CDH12: variants seen among roughly 807,000 people sequenced by gnomAD.
CDH12 encodes cadherin 12.
Under a neutral mutation model 74.1 loss-of-function variants are expected in CDH12, and 41 were observed. That is an observed-to-expected ratio of 0.55 (90% confidence interval 0.43 to 0.72). CDH12 has a LOEUF of 0.72. Ranked by LOEUF, CDH12 falls within the 30% of genes least tolerant of loss-of-function variation. The pLI, the probability that CDH12 is intolerant of heterozygous loss-of-function variation, is 0.00. For synonymous variants in CDH12, 399 were observed against 355.0 expected, an observed-to-expected ratio of 1.12 and a Z score of -1.39; for missense variants, 945 against 977.2, an observed-to-expected ratio of 0.97 and a Z score of 0.44.
chr5:22,503,115 T>C (rs1231766267), intron 2 of CDH12, among the ~76,000 whole-genome samples: 1 of 152,172 alleles, frequency 6.6e-6, no homozygotes, highest in African/African-American at 2.4e-5. Flanking sequence ...GATCAAAGAA[T>C]GCTCATCTAA....
chr5:21,970,194 T>C (rs1445294407), intron 6 of CDH12, among the ~76,000 whole-genome samples: 1 of 152,122 alleles, frequency 6.6e-6, no homozygotes, highest in Non-Finnish European at 1.5e-5. Context: ...TTAAACATTG[T>C]AGTTTGATTG....
chr5:22,621,830 T>TA (rs1340350717), intron 1 of CDH12, among the ~76,000 whole-genome samples: 19 of 151,706 alleles, frequency 1.3e-4, no homozygotes, highest in Non-Finnish European at 2.4e-4. Flanking sequence ...AGCTGGTAAA[T>TA]AAAAAAAATC....
chr5:21,889,481 G>T lies in CDH12; in HGVS notation c.527-34691C>A. On this transcript the variant is annotated intron_variant, in intron 6 of 14. Transcript: ENST00000382254. ...AAAGAGAGAAACAGACATTGCCTTT[G>T]TGGGGCTTATCTTTTGAAAGAAAAA... 8.0e-6 allele frequency: 5 copies of T among 623,438 alleles called. No homozygotes were observed. The South Asian group carries it at 2.8e-4, about 35-fold the overall frequency. The allele number at this position is 623,438 out of a possible 1,614,324, so 38.6% of individuals were successfully genotyped here.
intron 3 of CDH12, among the ~76,000 whole-genome samples, chr5:22,363,253 C>T (rs1048857671): frequency 6.6e-6 from 1 of 151,996 alleles, no homozygotes; most frequent in Non-Finnish European, 1.5e-5. Context: ...TCATTACAAA[C>T]TTCTTAAATT....
intron 3 of CDH12, among the ~76,000 whole-genome samples, chr5:22,237,172 A>G (rs1752588447): frequency 1.3e-5 from 2 of 152,096 alleles, no homozygotes; most frequent in South Asian, 4.1e-4. Flanking sequence ...TGTGCACACT[A>G]CAACATTCGA....
In CDH12 at chr5:22,660,044, A is replaced by G. The variant is rs565733275; in HGVS notation, c.-522-154680T>C. Among the ~76,000 whole-genome samples, 460 of 152,302 alleles carry G rather than the reference A, an allele frequency of 3.0e-3. 3 individuals carry two copies. Among genetic ancestry groups the G allele is most frequent in the Non-Finnish European group, 5.5e-3 (377 of 68,010 alleles). On this transcript the variant is annotated intron_variant, in intron 1 of 14. Transcript: ENST00000382254. The stretch of plus-strand genomic sequence containing the variant: ...TGTGAAAAAAATGCATTGGAGTTGA[A>G]TGCATTCACATTTCATTTCTTTCAT...
chr5:21,883,647 G>A, intron 6 of CDH12: 4 of 1,612,206 alleles, frequency 2.5e-6, no homozygotes, highest in Non-Finnish European at 3.4e-6. Context: ...TGTGACCAAA[G>A]ACGATGCCAT....
intron 5 of CDH12, among the ~76,000 whole-genome samples, chr5:21,984,123 A>G (rs1033126564): frequency 2.6e-5 from 4 of 152,136 alleles, no homozygotes; most frequent in Non-Finnish European, 4.4e-5. Flanking sequence ...AAGAATAAAT[A>G]ACCTAATTTG....
At chr5:22,496,114 T>C (rs1747097041) in intron 2 of CDH12, among the ~76,000 whole-genome samples, 1 of 152,124 alleles carries the variant, frequency 6.6e-6, no homozygotes, top group Non-Finnish European at 1.5e-5. Context: ...TTAAGTAACT[T>C]GTCACTACTG....
intron 3 of CDH12, among the ~76,000 whole-genome samples, chr5:22,228,013 G>T (rs1043466246): frequency 8.6e-5 from 13 of 152,044 alleles, no homozygotes; most frequent in African/African-American, 3.1e-4. Flanking sequence ...TTTCAGCTTT[G>T]CTATTTAATA....
chr5:22,662,510 AAC>A (rs1185785618), intron 1 of CDH12, among the ~76,000 whole-genome samples: 1 of 152,178 alleles, frequency 6.6e-6, no homozygotes, highest in Admixed American at 6.5e-5. Flanking sequence ...CATCAAAAGA[AAC>A]AGCAACAGAT....
rs192703998 is a variant in CDH12, at chr5:21,786,059, A to T, written c.1257-2565T>A. On this transcript the variant is annotated intron_variant, in intron 10 of 14. Transcript: ENST00000382254. Reference sequence around the variant, plus strand: ...GTTCATTAACCATTATAAAAATCCTAGAGCCCCTATGAATTTTGCTAAATC... The same window carrying T: ...GTTCATTAACCATTATAAAAATCCTTGAGCCCCTATGAATTTTGCTAAATC... Among the ~76,000 whole-genome samples the T allele has an allele frequency of 1.7e-3, 265 of 152,330 alleles. 2 individuals are homozygous for T. Among genetic ancestry groups the T allele is most frequent in the African/African-American group, 5.9e-3 (244 of 41,586 alleles).
At chr5:22,553,521 A>G (rs1738667988) in intron 1 of CDH12, among the ~76,000 whole-genome samples, 1 of 152,144 alleles carries the variant, frequency 6.6e-6, no homozygotes, top group Non-Finnish European at 1.5e-5. Flanking sequence ...CACATCATTT[A>G]TATTAATACA....
At chr5:22,623,485 T>C (rs933152863) in intron 1 of CDH12, among the ~76,000 whole-genome samples, 1 of 152,168 alleles carries the variant, frequency 6.6e-6, no homozygotes, top group African/African-American at 2.4e-5. Context: ...AGAAAATCAA[T>C]GTGCAAAAAT....
chr5:22,554,860 A>G (rs1419414945), intron 1 of CDH12, among the ~76,000 whole-genome samples: 1 of 152,148 alleles, frequency 6.6e-6, no homozygotes. Flanking sequence ...TTTAAAATCT[A>G]TTTAAGTAGA....
intron 7 of CDH12, among the ~76,000 whole-genome samples, chr5:21,853,548 T>G (rs1750587960): frequency 6.6e-6 from 1 of 151,674 alleles, no homozygotes. Flanking sequence ...CAAAAAGTTT[T>G]GCAGATTTTG....
intron 5 of CDH12, among the ~76,000 whole-genome samples, chr5:22,037,401 T>C (rs548178980): frequency 6.6e-6 from 1 of 152,258 alleles, no homozygotes; most frequent in East Asian, 1.9e-4. Flanking sequence ...GGGCCACTCG[T>C]GGCTTTTAAG....
At chr5:22,073,342 A>G (rs1742085904) in intron 5 of CDH12, among the ~76,000 whole-genome samples, 1 of 152,160 alleles carries the variant, frequency 6.6e-6, no homozygotes, top group South Asian at 2.1e-4. Context: ...CTTCGGGGAT[A>G]AAAGAGGCAG....
At chr5:22,056,312 T>C (rs547139201) in intron 5 of CDH12, among the ~76,000 whole-genome samples, 4 of 152,312 alleles carry the variant, frequency 2.6e-5, no homozygotes, top group Non-Finnish European at 4.4e-5. Context: ...TCTGAATAAA[T>C]GTTTTCCATC....
Sources: allele counts gnomAD v4.1 joint callset (sites outside exome capture counted in the v4.1 genomes callset), GRCh38; gene constraint gnomAD v4.1.1; transcripts MANE v1.5; gene names NCBI Gene and HGNC (gene_info 2026-07-23, HGNC 2026-07-21).